Variants in KHDRBS3 observed in about 807,000 individuals in gnomAD.
The protein encoded by KHDRBS3 is KH domain-containing, RNA-binding, signal transduction-associated protein 3.
Under a neutral mutation model 45.6 loss-of-function variants are expected in KHDRBS3, and 23 were observed. The ratio of observed to expected loss-of-function variants is 0.50; its 90% confidence interval spans 0.36 to 0.72. KHDRBS3 has a LOEUF of 0.72. Among genes scored for constraint, KHDRBS3 ranks in the 30% least tolerant of loss-of-function variants. The pLI, the probability that KHDRBS3 is intolerant of heterozygous loss-of-function variation, is 0.00. For missense variants in KHDRBS3, 352 were observed against 424.8 expected (o/e 0.83, Z 1.51); for synonymous variants, 162 against 156.5 (o/e 1.04, Z -0.26).
At chr8:135,644,670 G>A (rs1193097812) in intron 7 of KHDRBS3, among the ~76,000 whole-genome samples, 2 of 152,188 alleles carry the variant, frequency 1.3e-5, no homozygotes, top group Admixed American at 1.3e-4. Context: ...CCTTGCACAG[G>A]CCCAGCCCTA....
chr8:135,586,596 A>G (rs951147942), intron 6 of KHDRBS3, among the ~76,000 whole-genome samples: 9 of 152,188 alleles, frequency 5.9e-5, no homozygotes, highest in African/African-American at 2.2e-4. Flanking sequence ...TAATACATTT[A>G]TTGGCAAAAA....
chr8:135,614,327 C>T (rs374382323), intron 7 of KHDRBS3, among the ~76,000 whole-genome samples: 11 of 151,778 alleles, frequency 7.2e-5, no homozygotes, highest in African/African-American at 2.7e-4. Flanking sequence ...TTCCTCTGCC[C>T]CGACATGGCT....
intron 3 of KHDRBS3, among the ~76,000 whole-genome samples, chr8:135,543,696 A>C (rs566790736): frequency 1.3e-5 from 2 of 152,302 alleles, no homozygotes; most frequent in Non-Finnish European, 2.9e-5. Context: ...TATTTTCTTC[A>C]TTTTACATGT....
At chr8:135,533,960 AGAATGGTCGTAT>A (rs1205341846) in intron 2 of KHDRBS3, among the ~76,000 whole-genome samples, 2 of 152,344 alleles carry the variant, frequency 1.3e-5, no homozygotes, top group African/African-American at 4.8e-5. Flanking sequence ...TTGAAAAACC[AGAATGGTCGTAT>A]GGATACTGGA....
rs186635867 is a variant in KHDRBS3 at position 135,624,174 on chromosome 8, C to T, written c.890+17137C>T. On this transcript the variant is annotated intron_variant, in intron 7 of 8. Coordinates refer to ENST00000355849, the MANE Select transcript of KHDRBS3 (RefSeq NM_006558.3). ...CAAGGTAACAATGGCTTTCACTGAC[C>T]ACTCCCTTTGCCAGAGGTCCAGAAA... Among the ~76,000 whole-genome samples the T allele has an allele frequency of 2.3e-3, 355 of 152,272 alleles. 3 individuals are homozygous for T. In the Middle Eastern group the frequency reaches 0.024, roughly 10 times the overall value.
intron 4 of KHDRBS3, among the ~76,000 whole-genome samples, chr8:135,653,102 C>T (rs2131221781): frequency 6.6e-6 from 1 of 152,292 alleles, no homozygotes; most frequent in Admixed American, 6.5e-5. Context: ...TAGTACCTAA[C>T]AGACAGTCAA....
intron 1 of KHDRBS3, among the ~76,000 whole-genome samples, chr8:135,484,327 C>T (rs569789086): frequency 6.6e-6 from 1 of 152,338 alleles, no homozygotes; most frequent in Admixed American, 6.5e-5. Flanking sequence ...GCTAGACCTT[C>T]TTCCCTAAGA....
At chr8:135,466,125 C>G (rs968403509) in intron 1 of KHDRBS3, among the ~76,000 whole-genome samples, 3 of 152,160 alleles carry the variant, frequency 2.0e-5, no homozygotes, top group Admixed American at 2.0e-4. Context: ...GATCAATAAA[C>G]GTGCATTGCT....
chr8:135,521,186 C>A, intron 1 of KHDRBS3, 51 bp from the exon 2 acceptor site: 27 of 1,070,580 alleles, frequency 2.5e-5, no homozygotes, highest in Non-Finnish European at 3.9e-5. Flanking sequence ...GAACACCCAG[C>A]CCCTGCATTT....
At chr8:135,608,199 T>G (rs4568644) in intron 7 of KHDRBS3, among the ~76,000 whole-genome samples, 30,984 of 152,186 alleles carry the variant, frequency 0.2, 3,705 homozygotes, top group Middle Eastern at 0.28. Flanking sequence ...ATTAAGTAAT[T>G]TGCCAGAAAT....
chr8:135,599,238 G>A (rs917144172), intron 6 of KHDRBS3, among the ~76,000 whole-genome samples: 2 of 152,184 alleles, frequency 1.3e-5, no homozygotes, highest in Admixed American at 6.5e-5. Flanking sequence ...GTGCTGTTTC[G>A]AAGCTAAAAA....
chr8:135,611,294 C>T (rs553609257), intron 7 of KHDRBS3, among the ~76,000 whole-genome samples: 1 of 151,912 alleles, frequency 6.6e-6, no homozygotes, highest in Non-Finnish European at 1.5e-5. Flanking sequence ...AAAACAGTGG[C>T]TCACACAATT....
At chr8:135,642,165 G>C (rs1831087057) in intron 7 of KHDRBS3, among the ~76,000 whole-genome samples, 2 of 152,212 alleles carry the variant, frequency 1.3e-5, no homozygotes, top group African/African-American at 4.8e-5. Flanking sequence ...TTCTGGAAGA[G>C]CAAAGGCCAT....
Position 135,607,028 on chromosome 8 carries a change from C to A in KHDRBS3, c.881C>A (p.Pro294Gln), listed in dbSNP as rs1487759883. ...TCCTATGATAACAGCTATAGCACCC[C>A]AGCCCAAAGGTAAGAGTCAGTCTTT... ...YDSYDNSYST[P>Q]AQSGADYYDY... The change falls in exon 7 of 9, where the codon CCA becomes CAA. Residue 294 changes from proline (P) to glutamine (Q), a missense_variant. Physicochemically the swap from Pro to Gln is moderately conservative, Grantham distance 76 (BLOSUM62 -1). This residue lies in a region of KHDRBS3 where 212 missense variants were observed against 209.6 expected (regional missense o/e 1.01). Transcript: ENST00000355849. 3.1e-6 allele frequency: 5 copies of A among 1,612,342 alleles called. No individual in the cohort carries two copies. The Admixed American group carries it at 8.3e-5, about 27-fold the overall frequency.
intron 6 of KHDRBS3, among the ~76,000 whole-genome samples, chr8:135,604,428 T>C (rs1196868184): frequency 6.6e-6 from 1 of 152,062 alleles, no homozygotes; most frequent in African/African-American, 2.4e-5. Context: ...TAATTACTGA[T>C]AATGTAGGAT....
chr8:135,542,820 G>A (rs773566029), intron 3 of KHDRBS3, 50 bp downstream of exon 3: 4 of 1,198,552 alleles, frequency 3.3e-6, no homozygotes, highest in South Asian at 1.3e-5. Context: ...GTTATATTAT[G>A]TGCTCTTATA....
intron 6 of KHDRBS3, among the ~76,000 whole-genome samples, chr8:135,597,404 A>G (rs1829018935): frequency 6.6e-6 from 1 of 152,024 alleles, no homozygotes; most frequent in African/African-American, 2.4e-5. Context: ...CCTCTACCTC[A>G]TGGCCTTTAT....
chr8:135,584,625 A>G (rs1353607616), intron 6 of KHDRBS3, among the ~76,000 whole-genome samples: 2 of 152,224 alleles, frequency 1.3e-5, no homozygotes, highest in Admixed American at 6.5e-5. Context: ...TCAGTATAGT[A>G]AAAGCTTCAC....
rs759127717 is a variant in KHDRBS3, at chr8:135,645,106, A to G, written c.938A>G (p.Tyr313Cys). Residue 313 changes from tyrosine to cysteine, a missense_variant, in exon 8 of 9, where the codon TAT becomes TGT. By Grantham distance (194) the Tyr-to-Cys change is radical (BLOSUM62 -2). Transcript: ENST00000355849. ...DYGHGLSEET[Y>C]DSYGQEEWTN... ...GGACATGGACTCAGTGAGGAGACTT[A>G]TGATTCCTACGGTGAGTGACTGGCC... 6.2e-7 allele frequency: 1 copy of G among 1,613,762 alleles called. No individual in the cohort carries two copies. Among genetic ancestry groups the G allele is most frequent in the Non-Finnish European group, 8.5e-7 (1 of 1,179,886 alleles).
Sources: allele counts gnomAD v4.1 joint callset (sites outside exome capture counted in the v4.1 genomes callset), GRCh38; gene constraint gnomAD v4.1.1; regional missense constraint gnomAD v4.1.1; transcripts MANE v1.5; gene names NCBI Gene and HGNC (gene_info 2026-07-23, HGNC 2026-07-21).